COBL: variants seen among roughly 807,000 people sequenced by gnomAD.
The protein encoded by COBL is cordon-bleu WH2 repeat protein, also known as protein cordon-bleu.
In COBL, 51 loss-of-function variants were observed where a neutral mutation model predicts 98.8. The ratio of observed to expected loss-of-function variants is 0.52; its 90% confidence interval spans 0.41 to 0.65. The LOEUF (loss-of-function observed/expected upper bound fraction) is 0.65. Among genes scored for constraint, COBL ranks in the 30% least tolerant of loss-of-function variants. The pLI is 0.00. For missense variants in COBL, 1,617 were observed against 1,617.5 expected (o/e 1.00, Z 0.01); for synonymous variants, 634 against 651.7 (o/e 0.97, Z 0.41).
chr7:51,105,995 C>G (rs1417148199), intron 6 of COBL, among the ~76,000 whole-genome samples: 2 of 149,910 alleles, frequency 1.3e-5, no homozygotes, highest in Non-Finnish European at 3.0e-5. Flanking sequence ...GAGTTCGAGA[C>G]CAGTCTGGCC....
At position 51,043,327 on chromosome 7, in the gene COBL, T is replaced by C. The variant is rs185888501; in HGVS notation, c.1406+56A>G. The C allele has an allele frequency of 3.8e-5, 59 of 1,543,518 alleles. 1 individual carries two copies. The East Asian group carries it at 8.8e-4, about 23-fold the overall frequency. ...GGATCCCATGACAAAAGACCCTCTT[T>C]AGAGACACAGATGTGGCTGTGACTT... is the stretch of plus-strand genomic sequence containing the variant. On this transcript the variant is annotated intron_variant, in intron 8 of 12. Transcript: ENST00000265136.
chr7:51,108,392 G>T (rs571243348), intron 6 of COBL, among the ~76,000 whole-genome samples: 1 of 152,168 alleles, frequency 6.6e-6, no homozygotes, highest in African/African-American at 2.4e-5. Flanking sequence ...AAAGGGATTC[G>T]GTTGGGGTGA....
At chr7:51,126,602 TG>T (rs1798227983) in intron 6 of COBL, among the ~76,000 whole-genome samples, 1 of 152,110 alleles carries the variant, frequency 6.6e-6, no homozygotes, top group Non-Finnish European at 1.5e-5. Context: ...TGGAGGAGCC[TG>T]GGTTGGACCT....
chr7:51,122,054 G>A (rs1484808331), intron 6 of COBL, among the ~76,000 whole-genome samples: 13 of 152,206 alleles, frequency 8.5e-5, no homozygotes, highest in Non-Finnish European at 1.9e-4. Flanking sequence ...CAACGTGCAG[G>A]AGAGTGGCGA....
intron 8 of COBL, chr7:51,034,469 C>G (rs1183378859): frequency 6.6e-6 from 1 of 152,240 alleles, no homozygotes; most frequent in Non-Finnish European, 1.5e-5. Context: ...GATTATCTAG[C>G]AAAAGCCAGA....
intron 5 of COBL, among the ~76,000 whole-genome samples, chr7:51,147,909 C>T (rs1785186780): frequency 1.3e-5 from 2 of 152,020 alleles, no homozygotes; most frequent in African/African-American, 4.8e-5. Flanking sequence ...CGCCACCACA[C>T]CCAGCTAAGT....
intron 1 of COBL, among the ~76,000 whole-genome samples, chr7:51,251,042 T>G (rs1043379670): frequency 1.3e-5 from 2 of 152,220 alleles, no homozygotes; most frequent in African/African-American, 4.8e-5. Context: ...ATTTTTACAG[T>G]GCTATTAAAT....
At chr7:51,230,662 G>T (rs1218904122) in intron 1 of COBL, among the ~76,000 whole-genome samples, 4 of 152,178 alleles carry the variant, frequency 2.6e-5, no homozygotes, top group Non-Finnish European at 5.9e-5. Context: ...ATTCCTCAAG[G>T]ACGGCTCCAT....
chr7:51,242,355 T>G (rs923389690), intron 1 of COBL, among the ~76,000 whole-genome samples: 1 of 152,224 alleles, frequency 6.6e-6, no homozygotes, highest in African/African-American at 2.4e-5. Flanking sequence ...ACTCCAACCC[T>G]GTGGAATGTA....
chr7:51,026,559 C>T lies in COBL; in HGVS notation c.3491G>A (p.Cys1164Tyr), dbSNP rs140286972. The change falls in exon 11 of 13, where the codon TGC becomes TAC. Residue 1164 changes from cysteine (C) to tyrosine (Y), a missense_variant. Cys to Tyr is a radical substitution (Grantham distance 194). This residue lies in a region of COBL where 1,304 missense variants were observed against 1,282.0 expected (regional missense o/e 1.02). Transcript: ENST00000265136. ...TTCACCTCTTACCTTCCTCAGGCTG[C>T]AGGTGCCGCTGTGCCCGCGGATAGC... ...LAAIRGHSGT[C>Y]SLRKVASSAS... is the part of the protein sequence containing the mutation. 6.2e-7 allele frequency: 1 copy of T among 1,614,058 alleles called. No individual in the cohort carries two copies. Among genetic ancestry groups the T allele is most frequent in the Non-Finnish European group, 8.5e-7 (1 of 1,180,010 alleles).
chr7:51,061,418 C>A (rs1791345371), intron 7 of COBL, among the ~76,000 whole-genome samples: 1 of 152,118 alleles, frequency 6.6e-6, no homozygotes, highest in African/African-American at 2.4e-5. Flanking sequence ...ACTTTACCTT[C>A]TCTTCTGGAA....
At chr7:51,135,161 C>T (rs962689990) in intron 6 of COBL, among the ~76,000 whole-genome samples, 3 of 152,120 alleles carry the variant, frequency 2.0e-5, no homozygotes, top group Non-Finnish European at 4.4e-5. Context: ...GGGATTTCAC[C>T]ATGTTGGCCA....
chr7:51,098,672 G>A (rs568183329), intron 6 of COBL, among the ~76,000 whole-genome samples: 1 of 152,160 alleles, frequency 6.6e-6, no homozygotes, highest in South Asian at 2.1e-4. Context: ...AAAACATAGA[G>A]GGAAATCTTT....
intron 4 of COBL, among the ~76,000 whole-genome samples, chr7:51,190,042 G>C (rs1291690624): frequency 6.6e-6 from 1 of 152,208 alleles, no homozygotes; most frequent in Admixed American, 6.5e-5. Flanking sequence ...TGGCAACACA[G>C]TGAGGAGGCC....
intron 5 of COBL, among the ~76,000 whole-genome samples, chr7:51,168,601 CA>C (rs1359441760): frequency 3.9e-5 from 6 of 151,980 alleles, no homozygotes; most frequent in African/African-American, 1.2e-4. Flanking sequence ...GGCTTATATC[CA>C]AAAGACAGGC....
intron 6 of COBL, among the ~76,000 whole-genome samples, chr7:51,132,172 G>A (rs1283213160): frequency 6.6e-6 from 1 of 152,188 alleles, no homozygotes; most frequent in Non-Finnish European, 1.5e-5. Context: ...CCCGGCTGGG[G>A]CCATGGACCC....
At position 51,017,530 on chromosome 7, in the gene COBL, A is replaced by T; in HGVS notation, c.*21T>A. 6.2e-7 allele frequency: 1 copy of T among 1,613,754 alleles called. No individual in the cohort carries two copies. Among genetic ancestry groups the T allele is most frequent in the Non-Finnish European group, 8.5e-7 (1 of 1,179,672 alleles). On this transcript the variant is annotated 3_prime_UTR_variant, in exon 13 of 13. Coordinates refer to ENST00000265136, the MANE Select transcript of COBL (RefSeq NM_015198.5). ...GGGCATATTACAGGTGGGTTTCTGCAATTCTCTGGCCTCTGTTCATTCACA... is the reference window on the plus strand; with the variant it reads ...GGGCATATTACAGGTGGGTTTCTGCTATTCTCTGGCCTCTGTTCATTCACA...
intron 1 of COBL, among the ~76,000 whole-genome samples, chr7:51,231,531 C>T (rs1440462793): frequency 2.0e-5 from 3 of 152,196 alleles, no homozygotes; most frequent in Non-Finnish European, 4.4e-5. Flanking sequence ...TGATGTGAGT[C>T]TCTGGATCGG....
At chr7:51,296,227 A>G (rs1230495195) in intron 1 of COBL, among the ~76,000 whole-genome samples, 2 of 152,196 alleles carry the variant, frequency 1.3e-5, no homozygotes, top group Non-Finnish European at 2.9e-5. Flanking sequence ...ATTTTAATTA[A>G]TACTGAGTTT....
Sources: allele counts gnomAD v4.1 joint callset (sites outside exome capture counted in the v4.1 genomes callset), GRCh38; gene constraint gnomAD v4.1.1; regional missense constraint gnomAD v4.1.1; transcripts MANE v1.5; gene names NCBI Gene and HGNC (gene_info 2026-07-23, HGNC 2026-07-21).